MKS1: variants seen among roughly 807,000 people sequenced by gnomAD.
MKS1 encodes tectonic-like complex member MKS1.
In MKS1, 70 loss-of-function variants were observed where a neutral mutation model predicts 83.7. The observed-to-expected ratio is 0.84, with a 90% CI of 0.69 to 1.02. The LOEUF (loss-of-function observed/expected upper bound fraction) is 1.02. MKS1 is among the 50% of genes least tolerant of loss of function. The pLI, the probability that MKS1 is intolerant of heterozygous loss-of-function variation, is 0.00. For synonymous variants in MKS1, 251 were observed against 273.4 expected (o/e 0.92, Z 0.81); for missense variants, 681 against 726.9 (o/e 0.94, Z 0.73).
At chr17:58,212,546 G>A (rs1968935342) in intron 8 of MKS1, 112 bp from the exon 9 acceptor site, 1 of 1,190,662 alleles carries the variant, frequency 8.4e-7, no homozygotes, top group African/African-American at 1.5e-5. Context: ...AGAGCTGGAG[G>A]CGTAAGCACC....
intron 10 of MKS1, 115 bp downstream of exon 10, chr17:58,210,865 A>T (rs1968832759): frequency 6.8e-6 from 10 of 1,466,984 alleles, no homozygotes; most frequent in Non-Finnish European, 9.5e-6. Context: ...AAGACTCACC[A>T]CTGAGTTTCC....
At chr17:58,211,087 C>G (rs995447974) in intron 9 of MKS1, 65 bp from the exon 10 acceptor site, 1 of 1,552,478 alleles carries the variant, frequency 6.4e-7, no homozygotes, top group East Asian at 2.2e-5. Context: ...CTCCTCCAGC[C>G]CCATCTACAA....
In MKS1 at chr17:58,216,652, A is replaced by G. The variant is rs1387715911; in HGVS notation, c.261+14T>C. 1 of 1,613,716 alleles carries G rather than the reference A, an allele frequency of 6.2e-7. No individual in the cohort carries two copies. Among genetic ancestry groups the G allele is most frequent in the East Asian group, 2.2e-5 (1 of 44,884 alleles). ...AGATGGAATAGACAGAGAAGACAAG[A>G]GACACTGGCTCACCTGGCTAAAGAG... On this transcript the variant is annotated intron_variant, in intron 3 of 17. Coordinates refer to ENST00000393119, the MANE Select transcript of MKS1 (RefSeq NM_017777.4).
At chr17:58,212,635 C>G (rs1406781206) in intron 8 of MKS1, among the ~76,000 whole-genome samples, 1 of 152,200 alleles carries the variant, frequency 6.6e-6, no homozygotes, top group Non-Finnish European at 1.5e-5. Flanking sequence ...CTCGCCCTTA[C>G]AAGCTATGCC....
chr17:58,216,691 C>T lies in MKS1; in HGVS notation c.236G>A (p.Gly79Glu). ...EEDEEEEIVI[G>E]WQEKLFSQFE... ...CTGGCTAAAGAGCTTCTCCTGCCAC[C>T]CAATCACAATCTCCTCCTCTTCGTC... The change falls in exon 3 of 18, where the codon GGG (glycine) becomes GAG (glutamate). Residue 79 changes from glycine (G) to glutamate (E), a missense_variant. By Grantham distance (98) the Gly-to-Glu change is moderately conservative (BLOSUM62 -2). Coordinates refer to ENST00000393119, the MANE Select transcript of MKS1 (RefSeq NM_017777.4). 6.2e-7 allele frequency: 1 copy of T among 1,614,190 alleles called. No homozygotes were observed. The highest frequency in any genetic ancestry group is 2.2e-5 in the East Asian group (1 of 44,888).
rs1421635440 is a variant in MKS1, at chr17:58,205,471, AC to A, written c.*607del. 5.6e-6 allele frequency: 7 copies of A among 1,249,930 alleles called. No homozygotes were observed. The highest frequency in any genetic ancestry group is 7.2e-6 in the Non-Finnish European group (7 of 968,454). The allele number at this position is 1,249,930 out of a possible 1,614,324, so 77.4% of individuals were successfully genotyped here. A position where few individuals can be genotyped will look rare whatever the true frequency, so the allele number is the denominator to read the frequency against. On this transcript the variant is annotated 3_prime_UTR_variant, in exon 18 of 18. Transcript: ENST00000393119. ...ATAAAAGGGGTTTATGTAACAAAAA[AC>A]AAAAAAACAAACAAACAAAAAAACA...
intron 2 of MKS1, among the ~76,000 whole-genome samples, chr17:58,218,244 C>T (rs530012966): frequency 6.6e-6 from 1 of 151,720 alleles, no homozygotes; most frequent in Non-Finnish European, 1.5e-5. Context: ...GTCAGGAGAT[C>T]GAGACAATCC....
intron 15 of MKS1, 131 bp from the exon 16 acceptor site, chr17:58,206,678 A>T (rs978243005): frequency 4.3e-6 from 4 of 923,468 alleles, no homozygotes; most frequent in Non-Finnish European, 6.8e-6. Context: ...TTATTCCATC[A>T]CCCAGACTCT....
Position 58,207,082 on chromosome 17 carries a change from C to T in MKS1, c.1407+3G>A, listed in dbSNP as rs770031784. 6 of 1,614,196 alleles carry T rather than the reference C, an allele frequency of 3.7e-6. No individual in the cohort carries two copies. In the South Asian group the frequency reaches 5.5e-5, roughly 15 times the overall value. Reference sequence around the variant, plus strand: ...GTGAAGTCACTCCAAAGACAAAAGTCACCTTGAAGGATCCTGGTATCCGTA... The same window carrying T: ...GTGAAGTCACTCCAAAGACAAAAGTTACCTTGAAGGATCCTGGTATCCGTA... On this transcript the variant is annotated splice_donor_region_variant and intron_variant, in intron 15 of 17. Transcript: ENST00000393119.
At chr17:58,210,033 G>A (rs1567798590) in intron 11 of MKS1, among the ~76,000 whole-genome samples, 2 of 152,208 alleles carry the variant, frequency 1.3e-5, no homozygotes, top group Admixed American at 6.5e-5. Flanking sequence ...GATCAAGGAT[G>A]TTCCCTAGGT....
rs1449581341 is a variant in MKS1, at chr17:58,207,540, A to C, written c.1274-322T>G. 28 of 541,498 alleles carry C rather than the reference A, an allele frequency of 5.2e-5. No individual in the cohort carries two copies. The South Asian group carries it at 5.7e-4, about 11-fold the overall frequency. The allele number at this position is 541,498 out of a possible 1,614,324, so 33.5% of individuals were successfully genotyped here. On this transcript the variant is annotated intron_variant, in intron 14 of 17. Transcript: ENST00000393119. The stretch of plus-strand genomic sequence containing the variant: ...GAGTGACTGGGAGAATTAAGTGAGA[A>C]GTATGGCACAATGCCTGGCACACAG...
rs566769235 is a variant in MKS1, at chr17:58,214,665, T to C, written c.515+76A>G. 6 of 1,479,992 alleles carry C rather than the reference T, an allele frequency of 4.1e-6. 1 individual carries two copies. The Middle Eastern group carries it at 6.8e-4, about 168-fold the overall frequency. The allele number at this position is 1,479,992 out of a possible 1,614,324, so 91.7% of individuals were successfully genotyped here. On this transcript the variant is annotated intron_variant, in intron 5 of 17. Transcript: ENST00000393119. ...ATACTTGAATACTATATATAACCAC[T>C]GATAAAAATGCAAAACTACCCAACT... is the stretch of plus-strand genomic sequence containing the variant.
At chr17:58,215,685 GA>G in intron 4 of MKS1, 1 of 251,658 alleles carries the variant, frequency 4.0e-6, no homozygotes, top group Non-Finnish European at 7.9e-6. Context: ...TAGCTATACT[GA>G]ATTCCTCTTC....
In MKS1 at chr17:58,216,713, C is replaced by T. The variant is rs753620277; in HGVS notation, c.214G>A (p.Glu72Lys). The T allele has an allele frequency of 9.9e-6, 16 of 1,614,094 alleles. No homozygotes were observed. Among genetic ancestry groups the T allele is most frequent in the East Asian group, 6.7e-5 (3 of 44,902 alleles). ...TASGHRPEEDEEEEIVIGWQE... is the reference protein window; with the variant it reads ...TASGHRPEEDKEEEIVIGWQE... Reference sequence around the variant, plus strand: ...CACCCAATCACAATCTCCTCCTCTTCGTCTTCCTCTGGGCGGTGTCCACCT... The same window carrying T: ...CACCCAATCACAATCTCCTCCTCTTTGTCTTCCTCTGGGCGGTGTCCACCT... The change falls in exon 3 of 18, where the codon GAA becomes AAA. Residue 72 changes from glutamate (E) to lysine (K), a missense_variant. This residue lies in a region of MKS1 where 365 missense variants were observed against 383.8 expected (regional missense o/e 0.95). Transcript: ENST00000393119.
Position 58,213,845 on chromosome 17 carries a change from A to C in MKS1, c.669T>G (p.His223Gln). The C allele has an allele frequency of 1.9e-6, 3 of 1,614,098 alleles. No individual in the cohort carries two copies. Among genetic ancestry groups the C allele is most frequent in the Non-Finnish European group, 8.5e-7 (1 of 1,179,944 alleles). The change falls in exon 7 of 18, where the codon CAT becomes CAG. Residue 223 changes from histidine to glutamine, a missense_variant. Transcript: ENST00000393119. Reference protein sequence around the residue: ...YKKLGYKKYEHVLCTLKVDSN... With the variant: ...YKKLGYKKYEQVLCTLKVDSN... Reference sequence around the variant, plus strand: ...TATCCACCTTCAGAGTACACAGGACATGTTCATACTTCTTATAGCCAAGCC... The same window carrying C: ...TATCCACCTTCAGAGTACACAGGACCTGTTCATACTTCTTATAGCCAAGCC...
rs373755286 is a variant in MKS1 at position 58,214,350 on chromosome 17, C to T, written c.553G>A (p.Glu185Lys). The T allele has an allele frequency of 9.3e-6, 15 of 1,613,700 alleles. No individual in the cohort carries two copies. Among genetic ancestry groups the T allele is most frequent in the Non-Finnish European group, 1.3e-5 (15 of 1,180,040 alleles). Residue 185 changes from glutamate (E) to lysine (K), a missense_variant, in exon 6 of 18, where the codon GAG becomes AAG. Coordinates refer to ENST00000393119, the MANE Select transcript of MKS1 (RefSeq NM_017777.4). ...TTCCTGACAAACTCTTCTGAGGGCT[C>T]CCAGGTGACGATGCGTGACTTGAGG... Reference protein sequence around the residue: ...GILKSRIVTWEPSEEFVRNNH... With the variant: ...GILKSRIVTWKPSEEFVRNNH...
Position 58,213,826 on chromosome 17 carries a change from C to T in MKS1, c.688G>A (p.Val230Met). 6.2e-7 allele frequency: 1 copy of T among 1,614,130 alleles called. No homozygotes were observed. Among genetic ancestry groups the T allele is most frequent in the Non-Finnish European group, 8.5e-7 (1 of 1,180,014 alleles). ...ACTGTGATCACACCATTGCTATCCACCTTCAGAGTACACAGGACATGTTCA... is the reference window on the plus strand; with the variant it reads ...ACTGTGATCACACCATTGCTATCCATCTTCAGAGTACACAGGACATGTTCA... ...KYEHVLCTLKVDSNGVITVKP... is the reference protein window; with the variant it reads ...KYEHVLCTLKMDSNGVITVKP... Residue 230 changes from valine to methionine, a missense_variant, in exon 7 of 18, where the codon GTG (valine) becomes ATG (methionine). Around this residue, in one of 3 missense-constraint regions of MKS1, gnomAD observed 365 missense variants for 383.8 expected, o/e 0.95. Coordinates refer to ENST00000393119, the MANE Select transcript of MKS1 (RefSeq NM_017777.4).
rs1285966721 is a variant in MKS1, at chr17:58,213,057, C to T, written c.783G>A (p.Trp261Ter). ...IETEGEKQEL[W>*]KYTIDNVSPH... is the part of the protein sequence containing the mutation. ...GGGAAACATTGTCGATCGTATATTT[C>T]CACAGCTCCTGCTTCTCCCCCTCCG... Residue 261 changes from tryptophan to a stop codon, truncating the protein, a stop_gained, in exon 8 of 18, where the codon TGG (tryptophan) becomes TGA (stop). Transcript: ENST00000393119. LOFTEE classifies it high-confidence loss of function. 1.2e-6 allele frequency: 2 copies of T among 1,614,046 alleles called. No individual in the cohort carries two copies. The highest frequency in any genetic ancestry group is 1.7e-6 in the Non-Finnish European group (2 of 1,180,030).
intron 9 of MKS1, among the ~76,000 whole-genome samples, chr17:58,212,089 C>A (rs1336152419): frequency 6.6e-6 from 1 of 151,760 alleles, no homozygotes; most frequent in African/African-American, 2.4e-5. Flanking sequence ...CTAATATATC[C>A]CTCTCACCAC....
Sources: gnomAD v4.1 joint callset for allele counts (sites outside exome capture counted in the v4.1 genomes callset) on GRCh38, gnomAD v4.1.1 for gene constraint, gnomAD v4.1.1 regional missense constraint, MANE v1.5 for transcripts, NCBI Gene and HGNC (gene_info 2026-07-23, HGNC 2026-07-21) for gene names.